ADGRL3: variants seen among roughly 807,000 people sequenced by gnomAD.
ADGRL3 encodes the protein adhesion G protein-coupled receptor L3.
In ADGRL3, 62 loss-of-function variants were observed where a neutral mutation model predicts 153.5. That is an observed-to-expected ratio of 0.40 (90% CI 0.33 to 0.50). The LOEUF is 0.50. ADGRL3 is among the 20% of genes least tolerant of loss of function. ADGRL3 has a pLI of 0.47. For missense variants in ADGRL3, 1,641 were observed against 1,859.4 expected (o/e 0.88, Z 2.16); for synonymous variants, 710 against 672.5 (o/e 1.06, Z -0.86).
intron 21 of ADGRL3, among the ~76,000 whole-genome samples, chr4:62,005,984 AC>A (rs2099156376): frequency 1.2e-5 from 1 of 83,694 alleles, no homozygotes; most frequent in South Asian, 5.0e-4. Context: ...ACACACACAC[AC>A]ACACACACAC....
intron 20 of ADGRL3, among the ~76,000 whole-genome samples, chr4:61,996,617 A>G (rs1267493618): frequency 6.6e-6 from 1 of 152,220 alleles, no homozygotes; most frequent in Non-Finnish European, 1.5e-5. Context: ...CCAATCCAAC[A>G]TAATACATTT....
At chr4:61,397,060 A>G (rs915856750) in intron 2 of ADGRL3, among the ~76,000 whole-genome samples, 1 of 151,542 alleles carries the variant, frequency 6.6e-6, no homozygotes, top group African/African-American at 2.4e-5. Context: ...TATACTATAA[A>G]ATAATACAAA....
intron 9 of ADGRL3, among the ~76,000 whole-genome samples, chr4:61,879,636 A>T (rs1484786219): frequency 6.6e-6 from 1 of 152,200 alleles, no homozygotes; most frequent in Non-Finnish European, 1.5e-5. Flanking sequence ...ACTTGTGGAA[A>T]GCAAGACTCC....
In ADGRL3 at chr4:61,202,844, C is replaced by A. The variant is rs1369508801; in HGVS notation, c.-240+1079C>A. 6.6e-6 allele frequency among the ~76,000 whole-genome samples: 1 copy of A among 152,150 alleles called. No individual in the cohort carries two copies. Among genetic ancestry groups the A allele is most frequent in the Admixed American group, 6.5e-5 (1 of 15,290 alleles). On this transcript the variant is annotated intron_variant, in intron 1 of 26. Coordinates refer to ENST00000683033, the MANE Select transcript of ADGRL3 (RefSeq NM_001387552.1). The surrounding 1 kb of genome is among the most constrained non-coding windows in gnomAD (Gnocchi z 5.0). ...GGCGGAGTCAGCGTTTGAGTGTGTG[C>A]GCATTTTTGCGCCCCAGGGACGGCA...
intron 4 of ADGRL3, among the ~76,000 whole-genome samples, chr4:61,585,338 C>T (rs565325314): frequency 1.4e-4 from 21 of 152,056 alleles, no homozygotes; most frequent in African/African-American, 5.1e-4. Context: ...AAACCAACAC[C>T]ACTCTCAACT....
intron 21 of ADGRL3, among the ~76,000 whole-genome samples, chr4:62,002,360 C>G (rs559286262): frequency 6.6e-6 from 1 of 150,484 alleles, no homozygotes; most frequent in Non-Finnish European, 1.5e-5. Context: ...TGCTGTTTCT[C>G]TACTCACTTT....
chr4:61,765,190 C>T (rs968200585), intron 8 of ADGRL3, among the ~76,000 whole-genome samples: 5 of 152,040 alleles, frequency 3.3e-5, no homozygotes, highest in South Asian at 2.1e-4. Context: ...GCAGTGTAAA[C>T]AAGAGCAGGG....
intron 2 of ADGRL3, among the ~76,000 whole-genome samples, chr4:61,393,113 G>A (rs2096832308): frequency 1.3e-5 from 2 of 152,034 alleles, no homozygotes; most frequent in Admixed American, 1.3e-4. Context: ...TCCCTGGATT[G>A]TAGTATTCTC....
At chr4:61,237,399 A>G (rs976033916) in intron 1 of ADGRL3, among the ~76,000 whole-genome samples, 1 of 152,176 alleles carries the variant, frequency 6.6e-6, no homozygotes, top group Non-Finnish European at 1.5e-5. Flanking sequence ...TATGCTACAC[A>G]GTGAGAAGAT....
Position 61,422,676 on chromosome 4 carries a change from G to A in ADGRL3, c.-174+39487G>A, listed in dbSNP as rs149354833. Among the ~76,000 whole-genome samples the A allele has an allele frequency of 2.0e-3, 300 of 152,134 alleles. 3 individuals are homozygous for A. The highest frequency in any genetic ancestry group is 7.0e-3 in the African/African-American group (292 of 41,542). Reference sequence around the variant, plus strand: ...TAATTCATTGATATTATAAAAGTTAGTAACACCCTGCTTGGGGGAATATCT... The same window carrying A: ...TAATTCATTGATATTATAAAAGTTAATAACACCCTGCTTGGGGGAATATCT... On this transcript the variant is annotated intron_variant, in intron 2 of 26. Coordinates refer to ENST00000683033, the MANE Select transcript of ADGRL3 (RefSeq NM_001387552.1).
intron 21 of ADGRL3, among the ~76,000 whole-genome samples, chr4:62,022,693 G>C (rs1353791531): frequency 6.6e-6 from 1 of 151,694 alleles, no homozygotes. Context: ...TACCCTGCCT[G>C]TGCTCTATAA....
chr4:61,896,349 G>A lies in ADGRL3; in HGVS notation c.1887+515G>A, dbSNP rs114949423. 3.0e-3 allele frequency among the ~76,000 whole-genome samples: 463 copies of A among 152,086 alleles called. 1 individual carries two copies. Among genetic ancestry groups the A allele is most frequent in the African/African-American group, 0.011 (441 of 41,476 alleles). ...CATTTTTATTATTAATGCACTGTGG[G>A]GCTTTGAATTGATTTCATTACAAAC... On this transcript the variant is annotated intron_variant, in intron 11 of 26. Transcript: ENST00000683033.
intron 4 of ADGRL3, among the ~76,000 whole-genome samples, chr4:61,581,848 T>C (rs935941299): frequency 3.3e-5 from 5 of 152,098 alleles, no homozygotes; most frequent in African/African-American, 1.2e-4. Context: ...ATGTAATTTT[T>C]TGTTCCTAAA....
intron 1 of ADGRL3, among the ~76,000 whole-genome samples, chr4:61,345,785 G>A (rs2095888630): frequency 2.6e-5 from 4 of 152,074 alleles, no homozygotes. Flanking sequence ...GTATATTTGT[G>A]GAGGACAATT....
intron 2 of ADGRL3, among the ~76,000 whole-genome samples, chr4:61,458,035 A>T (rs185676617): frequency 6.6e-6 from 1 of 151,930 alleles, no homozygotes; most frequent in Admixed American, 6.5e-5. Context: ...TTTTGCTTCA[A>T]AGATACCAGG....
rs374124277 is a variant in ADGRL3 at position 61,867,025 on chromosome 4, C to G, written c.1481-25631C>G. ...TGTGGGGAGCTTCTTTTAGTTACAACATGGAAAATTCATATGTACTTGGCC... is the reference window on the plus strand; with the variant it reads ...TGTGGGGAGCTTCTTTTAGTTACAAGATGGAAAATTCATATGTACTTGGCC... On this transcript the variant is annotated intron_variant, in intron 9 of 26. Coordinates refer to ENST00000683033, the MANE Select transcript of ADGRL3 (RefSeq NM_001387552.1). Among the ~76,000 whole-genome samples, 20 of 152,180 alleles carry G rather than the reference C, an allele frequency of 1.3e-4. 2 individuals are homozygous for G. The highest frequency in any genetic ancestry group is 3.3e-4 in the Admixed American group (5 of 15,288).
intron 9 of ADGRL3, among the ~76,000 whole-genome samples, chr4:61,872,596 A>T (rs777384983): frequency 2.0e-5 from 3 of 151,336 alleles, no homozygotes; most frequent in Non-Finnish European, 4.4e-5. Flanking sequence ...CCCAGGTTTC[A>T]TTCAGACATT....
chr4:61,425,163 T>C (rs539101083), intron 2 of ADGRL3: 1 of 152,362 alleles, frequency 6.6e-6, no homozygotes, highest in East Asian at 1.9e-4. Context: ...GTTGACACCA[T>C]CCCATTGTTG....
At chr4:61,597,431 A>G (rs1170634468) in intron 5 of ADGRL3, among the ~76,000 whole-genome samples, 6 of 152,220 alleles carry the variant, frequency 3.9e-5, no homozygotes, top group Middle Eastern at 3.4e-3. Flanking sequence ...TTTGATCCCA[A>G]ACCTTCACCA....
Sources: gnomAD v4.1 joint callset for allele counts (sites outside exome capture counted in the v4.1 genomes callset) on GRCh38, gnomAD v4.1.1 for gene constraint, Gnocchi (gnomAD v3.1) non-coding constraint, MANE v1.5 for transcripts, NCBI Gene and HGNC (gene_info 2026-07-23, HGNC 2026-07-21) for gene names.